DLGAP2: variants seen among roughly 807,000 people sequenced by gnomAD.
DLGAP2 encodes disks large-associated protein 2.
In DLGAP2, 26 loss-of-function variants were observed where a neutral mutation model predicts 100.3. That is an observed-to-expected ratio of 0.26 (90% CI 0.19 to 0.36). The LOEUF (loss-of-function observed/expected upper bound fraction) is 0.36. DLGAP2 is among the 10% of genes least tolerant of loss of function. DLGAP2 has a pLI of 1.00. For missense variants in DLGAP2, 1,858 were observed against 1,453.2 expected, an observed-to-expected ratio of 1.28 and a Z score of -4.53; for synonymous variants, 886 against 630.1, an observed-to-expected ratio of 1.41 and a Z score of -6.08.
At chr8:1,223,148 C>A (rs990482143) in intron 2 of DLGAP2, among the ~76,000 whole-genome samples, 3 of 152,204 alleles carry the variant, frequency 2.0e-5, no homozygotes, top group Admixed American at 2.0e-4. Context: ...ATGCCTGTTT[C>A]CCTTAGTCCT....
intron 2 of DLGAP2, among the ~76,000 whole-genome samples, chr8:910,922 G>A (rs760457532): frequency 2.0e-5 from 3 of 152,104 alleles, no homozygotes; most frequent in Admixed American, 6.5e-5. Flanking sequence ...GGCTGAAGGC[G>A]GGCCCACTTG....
At chr8:1,425,093 G>T (rs2108120) in intron 3 of DLGAP2, among the ~76,000 whole-genome samples, 32,387 of 152,010 alleles carry the variant, frequency 0.21, 3,818 homozygotes, top group Middle Eastern at 0.29. Context: ...AACTTGTATA[G>T]TATTTTGCCA....
chr8:1,349,400 C>T (rs1014709396), intron 3 of DLGAP2, among the ~76,000 whole-genome samples: 1 of 149,256 alleles, frequency 6.7e-6, no homozygotes, highest in Non-Finnish European at 1.5e-5. Flanking sequence ...GAGCCTGCCG[C>T]CCACATCCAC....
intron 2 of DLGAP2, among the ~76,000 whole-genome samples, chr8:1,150,488 TG>T (rs1357349757): frequency 1.3e-4 from 19 of 151,926 alleles, no homozygotes; most frequent in African/African-American, 3.9e-4. Context: ...ATCTTCTATC[TG>T]GGAATGCAGG....
intron 2 of DLGAP2, among the ~76,000 whole-genome samples, chr8:1,051,691 T>G (rs181996929): frequency 4.5e-4 from 69 of 152,224 alleles, no homozygotes; most frequent in Non-Finnish European, 1.6e-4. Context: ...CAGTTTAGAC[T>G]CACGGAAGCT....
chr8:901,253 T>G (rs191658053), intron 1 of DLGAP2, among the ~76,000 whole-genome samples: 1 of 152,146 alleles, frequency 6.6e-6, no homozygotes, highest in Non-Finnish European at 1.5e-5. Flanking sequence ...GATCGCACCA[T>G]TGCACTCCAG....
intron 1 of DLGAP2, among the ~76,000 whole-genome samples, chr8:752,690 G>A (rs918449119): frequency 2.0e-5 from 3 of 152,170 alleles, no homozygotes; most frequent in Non-Finnish European, 4.4e-5. Context: ...ATGCCATGGC[G>A]GCCAGGAGGC....
intron 3 of DLGAP2, among the ~76,000 whole-genome samples, chr8:1,407,715 A>T (rs1284692680): frequency 8.2e-6 from 1 of 122,596 alleles, no homozygotes; most frequent in Non-Finnish European, 1.7e-5. Flanking sequence ...AGAGTCGTGT[A>T]TTGAGTGCTT....
intron 1 of DLGAP2, among the ~76,000 whole-genome samples, chr8:838,792 C>G (rs889533893): frequency 6.6e-6 from 1 of 152,216 alleles, no homozygotes; most frequent in Admixed American, 6.5e-5. Flanking sequence ...CACATCATGG[C>G]TGACGGCAGA....
chr8:1,576,086 A>G (rs112976305), intron 6 of DLGAP2, among the ~76,000 whole-genome samples: 4,044 of 152,270 alleles, frequency 0.027, 162 homozygotes, highest in African/African-American at 0.084. Context: ...TCCCACCAAC[A>G]GTGTAAAAGT....
At chr8:792,137 G>C (rs537466096) in intron 1 of DLGAP2, among the ~76,000 whole-genome samples, 1 of 152,260 alleles carries the variant, frequency 6.6e-6, no homozygotes, top group African/African-American at 2.4e-5. Flanking sequence ...AATTCCAAGA[G>C]TTCTAGAGAG....
At chr8:1,239,264 C>T (rs1162315048) in intron 2 of DLGAP2, among the ~76,000 whole-genome samples, 2 of 5,474 alleles carry the variant, frequency 3.7e-4, no homozygotes, top group African/African-American at 2.5e-3. Flanking sequence ...TCTCACATGG[C>T]ACCATGTCTA....
chr8:839,295 G>C (rs185437974), intron 1 of DLGAP2, among the ~76,000 whole-genome samples: 1 of 152,170 alleles, frequency 6.6e-6, no homozygotes, highest in East Asian at 1.9e-4. Flanking sequence ...GTTCACTGCA[G>C]CATTATTTAT....
At chr8:1,135,546 G>A (rs944557513) in intron 2 of DLGAP2, among the ~76,000 whole-genome samples, 4 of 113,622 alleles carry the variant, frequency 3.5e-5, no homozygotes, top group African/African-American at 6.4e-5. Flanking sequence ...CTTAAGAAGC[G>A]CTAGACTCTG....
intron 1 of DLGAP2, among the ~76,000 whole-genome samples, chr8:773,150 T>C (rs1821411596): frequency 6.6e-6 from 1 of 152,210 alleles, no homozygotes; most frequent in African/African-American, 2.4e-5. Flanking sequence ...CTCTGGAGGC[T>C]GTGAATCCCC....
chr8:1,311,306 A>C (rs952980433), intron 3 of DLGAP2, among the ~76,000 whole-genome samples: 1 of 152,232 alleles, frequency 6.6e-6, no homozygotes, highest in African/African-American at 2.4e-5. Flanking sequence ...CTTGGAAAGA[A>C]ATATCCAGAA....
intron 1 of DLGAP2, among the ~76,000 whole-genome samples, chr8:794,246 T>C (rs1336372353): frequency 6.6e-6 from 1 of 151,694 alleles, no homozygotes; most frequent in Non-Finnish European, 1.5e-5. Context: ...GTGAGTGAGG[T>C]CGGGATGAGC....
intron 3 of DLGAP2, among the ~76,000 whole-genome samples, chr8:1,437,346 C>G (rs545688260): frequency 6.6e-6 from 1 of 152,242 alleles, no homozygotes; most frequent in African/African-American, 2.4e-5. Context: ...CACACAACCA[C>G]GAGGCCACCT....
chr8:1,608,950 A>G (rs1359881153), intron 6 of DLGAP2, among the ~76,000 whole-genome samples: 18 of 152,052 alleles, frequency 1.2e-4, no homozygotes, highest in Non-Finnish European at 2.5e-4. Context: ...AATGGAACCA[A>G]GTTGGAAAAC....
Sources: gnomAD v4.1 joint callset for allele counts (sites outside exome capture counted in the v4.1 genomes callset) on GRCh38, gnomAD v4.1.1 for gene constraint, MANE v1.5 for transcripts, NCBI Gene and HGNC (gene_info 2026-07-23, HGNC 2026-07-21) for gene names.